SMARCC1: variants seen among roughly 807,000 people sequenced by gnomAD.
SMARCC1 encodes the protein SWI/SNF complex subunit SMARCC1.
In SMARCC1, 43 loss-of-function variants were observed where a neutral mutation model predicts 147.4. The observed-to-expected ratio is 0.29, with a 90% CI of 0.23 to 0.38. The LOEUF is 0.38. Among genes scored for constraint, SMARCC1 ranks in the 10% least tolerant of loss-of-function variants. The pLI, the probability that SMARCC1 is intolerant of heterozygous loss-of-function variation, is 1.00. For synonymous variants in SMARCC1, 495 were observed against 484.4 expected, an observed-to-expected ratio of 1.02 and a Z score of -0.29; for missense variants, 1,119 against 1,381.1, an observed-to-expected ratio of 0.81 and a Z score of 3.01.
Position 47,672,408 on chromosome 3 carries a change from G to A in SMARCC1, c.1840-1691C>T, listed in dbSNP as rs928065874. On this transcript the variant is annotated intron_variant, in intron 18 of 27. Coordinates refer to ENST00000254480, the MANE Select transcript of SMARCC1 (RefSeq NM_003074.4). ...TTTTTAGTAGAGACAGGGTTTCACCGTGTTAGCCAGGATGGTCTCGATCTC... is the reference window on the plus strand; with the variant it reads ...TTTTTAGTAGAGACAGGGTTTCACCATGTTAGCCAGGATGGTCTCGATCTC... Among the ~76,000 whole-genome samples, 10 of 151,850 alleles carry A rather than the reference G, an allele frequency of 6.6e-5. No individual in the cohort carries two copies. In the East Asian group the frequency reaches 1.6e-3, roughly 24 times the overall value.
At chr3:47,599,763 C>T (rs1006442877) in intron 26 of SMARCC1, among the ~76,000 whole-genome samples, 6 of 152,190 alleles carry the variant, frequency 3.9e-5, no homozygotes, top group East Asian at 1.9e-4. Flanking sequence ...CAGCTCCAGA[C>T]AGAAATTACT....
intron 7 of SMARCC1, among the ~76,000 whole-genome samples, chr3:47,717,763 C>T (rs2034174707): frequency 6.6e-6 from 1 of 151,980 alleles, no homozygotes; most frequent in Non-Finnish European, 1.5e-5. Flanking sequence ...GACAAGGTTT[C>T]ACCACGTTGC....
chr3:47,627,018 T>C (rs373736944), intron 24 of SMARCC1, among the ~76,000 whole-genome samples: 26 of 152,330 alleles, frequency 1.7e-4, no homozygotes, highest in Admixed American at 5.2e-4. Context: ...TGTAGCAGAA[T>C]TGCCCAGCTG....
chr3:47,636,788 A>ATATGTGTGTGTG (rs1385700826), intron 22 of SMARCC1, among the ~76,000 whole-genome samples: 1 of 80,624 alleles, frequency 1.2e-5, no homozygotes, highest in African/African-American at 4.3e-5. Context: ...AAATATATAT[A>ATATGTGTGTGTG]TGTGTGTGTG....
chr3:47,684,720 G>A (rs978999534), intron 14 of SMARCC1, among the ~76,000 whole-genome samples: 6 of 152,072 alleles, frequency 3.9e-5, no homozygotes, highest in Admixed American at 2.0e-4. Flanking sequence ...TGGGATTACA[G>A]GCATAAGCCA....
intron 2 of SMARCC1, among the ~76,000 whole-genome samples, chr3:47,771,036 A>G (rs1263070105): frequency 7.9e-5 from 12 of 151,906 alleles, no homozygotes; most frequent in Non-Finnish European, 1.8e-4. Flanking sequence ...TCAGCCTCCC[A>G]AGGAGCTGGG....
intron 14 of SMARCC1, among the ~76,000 whole-genome samples, chr3:47,682,167 T>C (rs1231007300): frequency 1.3e-5 from 2 of 151,460 alleles, no homozygotes; most frequent in African/African-American, 4.9e-5. Flanking sequence ...TGGTGTTGGG[T>C]GCCTGTAGTC....
At chr3:47,709,515 G>A (rs190925409) in intron 9 of SMARCC1, among the ~76,000 whole-genome samples, 28 of 149,188 alleles carry the variant, frequency 1.9e-4, no homozygotes, top group African/African-American at 5.4e-4. Flanking sequence ...GTGAAATCCC[G>A]TTTCTACTAA....
In SMARCC1 at chr3:47,635,333, T is replaced by A; in HGVS notation, c.2503A>T (p.Thr835Ser). The change falls in exon 24 of 28, where the codon ACT (threonine) becomes TCT (serine). Residue 835 changes from threonine (T) to serine (S), a missense_variant. By Grantham distance (58) the Thr-to-Ser change is moderately conservative. Coordinates refer to ENST00000254480, the MANE Select transcript of SMARCC1 (RefSeq NM_003074.4). ...SEDTKSEEKE[T>S]EENKELTDTC... is the part of the protein sequence containing the mutation. ...TCAGTGAGTTCTTTGTTCTCTTCAG[T>A]CTCCTTTTCTTCTGAAAATATCAGA... The A allele has an allele frequency of 6.2e-7, 1 of 1,611,888 alleles. No individual in the cohort carries two copies. Among genetic ancestry groups the A allele is most frequent in the Non-Finnish European group, 8.5e-7 (1 of 1,179,872 alleles).
intron 18 of SMARCC1, among the ~76,000 whole-genome samples, chr3:47,673,607 T>C (rs575700157): frequency 1.3e-5 from 2 of 152,248 alleles, no homozygotes; most frequent in African/African-American, 2.4e-5. Context: ...GAGAATCACT[T>C]GAACCGTGGA....
intron 21 of SMARCC1, among the ~76,000 whole-genome samples, chr3:47,651,748 T>C (rs753889979): frequency 1.3e-5 from 2 of 152,240 alleles, no homozygotes; most frequent in Non-Finnish European, 2.9e-5. Flanking sequence ...TCTATACACG[T>C]TAAGTTTTAC....
intron 24 of SMARCC1, among the ~76,000 whole-genome samples, chr3:47,625,820 G>A (rs1014282280): frequency 1.3e-5 from 2 of 151,988 alleles, no homozygotes; most frequent in African/African-American, 4.8e-5. Flanking sequence ...AGAAAATTAG[G>A]TTGGACCTCA....
intron 11 of SMARCC1, among the ~76,000 whole-genome samples, chr3:47,698,452 A>G (rs1468709336): frequency 3.3e-5 from 5 of 152,146 alleles, no homozygotes; most frequent in Admixed American, 3.3e-4. Context: ...ATATAATTGG[A>G]GGTTTGTGTA....
At position 47,681,609 on chromosome 3, in the gene SMARCC1, G is replaced by A. The variant is rs2033645647; in HGVS notation, c.1386-1101C>T. ...TTCCAGATATGCAACATGTTAAGTA[G>A]TGGTTGCACGGCAAAGAGCAAATCA... On this transcript the variant is annotated intron_variant, in intron 14 of 27. Transcript: ENST00000254480. Among the ~76,000 whole-genome samples, 4 of 152,144 alleles carry A rather than the reference G, an allele frequency of 2.6e-5. No homozygotes were observed. The South Asian group carries it at 8.3e-4, about 31-fold the overall frequency.
At chr3:47,626,224 G>GT (rs2032807213) in intron 24 of SMARCC1, among the ~76,000 whole-genome samples, 1 of 151,670 alleles carries the variant, frequency 6.6e-6, no homozygotes, top group African/African-American at 2.4e-5. Context: ...TCGGCTCACT[G>GT]TAACCTCCGC....
At chr3:47,684,743 A>AT (rs1377764789) in intron 14 of SMARCC1, among the ~76,000 whole-genome samples, 16 of 152,016 alleles carry the variant, frequency 1.1e-4, no homozygotes, top group South Asian at 2.1e-4. Context: ...ATGCTGGGCA[A>AT]TTTTTTTCCT....
At chr3:47,655,413 T>A (rs986107212) in intron 21 of SMARCC1, among the ~76,000 whole-genome samples, 1 of 151,284 alleles carries the variant, frequency 6.6e-6, no homozygotes, top group African/African-American at 2.4e-5. Flanking sequence ...AAAATAATAA[T>A]AGGCCAGGCA....
At position 47,718,926 on chromosome 3, in the gene SMARCC1, T is replaced by A. The variant is rs182849956; in HGVS notation, c.716+1740A>T. Among the ~76,000 whole-genome samples the A allele has an allele frequency of 2.9e-3, 442 of 151,680 alleles. 17 individuals carry two copies. In the East Asian group the frequency reaches 0.065, roughly 22 times the overall value. Reference sequence around the variant, plus strand: ...TAATTATTTAATAAATTAAAAAAAATTTTTTTTTGAGATGGAGTCTCTGTC... The same window carrying A: ...TAATTATTTAATAAATTAAAAAAAAATTTTTTTTGAGATGGAGTCTCTGTC... On this transcript the variant is annotated intron_variant, in intron 7 of 27. Coordinates refer to ENST00000254480, the MANE Select transcript of SMARCC1 (RefSeq NM_003074.4).
At chr3:47,618,867 T>G (rs756683617) in intron 25 of SMARCC1, among the ~76,000 whole-genome samples, 1 of 152,108 alleles carries the variant, frequency 6.6e-6, no homozygotes, top group African/African-American at 2.4e-5. Flanking sequence ...CGCTCAGGGT[T>G]GACTCAATAT....
Sources: gnomAD v4.1 joint callset for allele counts (sites outside exome capture counted in the v4.1 genomes callset) on GRCh38, gnomAD v4.1.1 for gene constraint, MANE v1.5 for transcripts, NCBI Gene and HGNC (gene_info 2026-07-23, HGNC 2026-07-21) for gene names.